RBFOX1: variants seen among roughly 807,000 people sequenced by gnomAD.
The protein encoded by RBFOX1 is RNA binding fox-1 homolog 1, also known as RNA binding protein fox-1 homolog 1.
Under a neutral mutation model 57.7 loss-of-function variants are expected in RBFOX1, and 8 were observed. The observed-to-expected ratio is 0.14, with a 90% CI of 0.08 to 0.25. The LOEUF is 0.25. RBFOX1 is among the 10% of genes least tolerant of loss of function. The pLI, the probability that RBFOX1 is intolerant of heterozygous loss-of-function variation, is 1.00. For synonymous variants in RBFOX1, 326 were observed against 222.4 expected (o/e 1.47, Z -4.15); for missense variants, 611 against 548.5 (o/e 1.11, Z -1.14).
intron 1 of RBFOX1, among the ~76,000 whole-genome samples, chr16:6,265,389 G>A (rs1193605361): frequency 6.6e-6 from 1 of 152,082 alleles, no homozygotes; most frequent in Admixed American, 6.6e-5. Context: ...AGCCTCCCGA[G>A]TAGCTGGGAT....
intron 4 of RBFOX1, among the ~76,000 whole-genome samples, chr16:7,334,677 C>T (rs1366830437): frequency 7.9e-5 from 12 of 152,106 alleles, no homozygotes; most frequent in African/African-American, 2.4e-4. Context: ...AAATAACTAT[C>T]GATTTGTTGG....
At chr16:6,647,665 T>A (rs1429988874) in intron 2 of RBFOX1, among the ~76,000 whole-genome samples, 1 of 152,310 alleles carries the variant, frequency 6.6e-6, no homozygotes, top group South Asian at 2.1e-4. Context: ...GGGGGACACA[T>A]ACATTCAGTC....
At chr16:5,709,807 C>CTT (rs2051385416) in intron 3 of RBFOX1, among the ~76,000 whole-genome samples, 3 of 21,450 alleles carry the variant, frequency 1.4e-4, no homozygotes, top group Non-Finnish European at 8.8e-5. Context: ...GTATCAGTTT[C>CTT]TTTATATATA....
intron 3 of RBFOX1, among the ~76,000 whole-genome samples, chr16:6,956,653 T>G (rs1398738211): frequency 1.3e-5 from 2 of 152,230 alleles, no homozygotes; most frequent in Non-Finnish European, 2.9e-5. Context: ...TATTTGTGGC[T>G]GATGTTGCTC....
At chr16:6,082,601 G>T (rs2096020636) in intron 1 of RBFOX1, among the ~76,000 whole-genome samples, 1 of 151,848 alleles carries the variant, frequency 6.6e-6, no homozygotes, top group Admixed American at 6.6e-5. Context: ...TTATCCCCTT[G>T]ACCAGGTTTG....
intron 3 of RBFOX1, among the ~76,000 whole-genome samples, chr16:6,991,601 A>T (rs996838849): frequency 6.6e-6 from 1 of 152,026 alleles, no homozygotes; most frequent in Non-Finnish European, 1.5e-5. Flanking sequence ...CAGTGGTGCA[A>T]TCTCAGCTCA....
intron 1 of RBFOX1, among the ~76,000 whole-genome samples, chr16:6,062,602 ATG>A (rs1156866628): frequency 1.4e-5 from 2 of 143,670 alleles, no homozygotes; most frequent in Non-Finnish European, 3.0e-5. Flanking sequence ...ATATGTATAT[ATG>A]TTACATAATA....
rs1349987830 is a variant in RBFOX1 at position 7,208,373 on chromosome 16, G to T, written c.27+156275G>T. Among the ~76,000 whole-genome samples, 5 of 152,170 alleles carry T rather than the reference G, an allele frequency of 3.3e-5. No homozygotes were observed. In the South Asian group the frequency reaches 1.0e-3, roughly 31 times the overall value. ...TTTATAAAGAAAAGAGGGGTGTTTT[G>T]GCTTATGGTTCTGCAGGCTGTGTAA... On this transcript the variant is annotated intron_variant, in intron 4 of 15. Coordinates refer to ENST00000550418, the MANE Select transcript of RBFOX1 (RefSeq NM_018723.4).
At chr16:5,370,749 T>G (rs2065838051) in intron 1 of RBFOX1, among the ~76,000 whole-genome samples, 1 of 152,124 alleles carries the variant, frequency 6.6e-6, no homozygotes, top group Admixed American at 6.5e-5. Flanking sequence ...CACCTTGGCC[T>G]CCCAGAGTGC....
chr16:5,478,729 G>C (rs2069418050), intron 2 of RBFOX1, among the ~76,000 whole-genome samples: 1 of 152,132 alleles, frequency 6.6e-6, no homozygotes, highest in African/African-American at 2.4e-5. Flanking sequence ...CCCAGCACGA[G>C]GCACCTTTTC....
chr16:6,591,740 A>G (rs1198276567), intron 2 of RBFOX1, among the ~76,000 whole-genome samples: 1 of 152,194 alleles, frequency 6.6e-6, no homozygotes, highest in Non-Finnish European at 1.5e-5. Context: ...TAATTGGAAA[A>G]TTGCCCAGAA....
At chr16:7,693,823 G>A (rs1210101317) in intron 14 of RBFOX1, among the ~76,000 whole-genome samples, 2 of 152,138 alleles carry the variant, frequency 1.3e-5, no homozygotes, top group African/African-American at 2.4e-5. Context: ...AAAGCTTAGA[G>A]GCATTCGAGA....
At chr16:5,671,111 A>C (rs919871925) in intron 3 of RBFOX1, among the ~76,000 whole-genome samples, 4 of 152,202 alleles carry the variant, frequency 2.6e-5, no homozygotes, top group African/African-American at 9.7e-5. Context: ...AGAAAGCACA[A>C]ATTAGACCAT....
At chr16:7,545,092 T>C (rs1162474114) in intron 5 of RBFOX1, among the ~76,000 whole-genome samples, 1 of 152,236 alleles carries the variant, frequency 6.6e-6, no homozygotes, top group African/African-American at 2.4e-5. Flanking sequence ...ATCATGATTA[T>C]CATTCGAGGC....
At chr16:6,713,549 T>A (rs1486285549) in intron 3 of RBFOX1, among the ~76,000 whole-genome samples, 1 of 152,052 alleles carries the variant, frequency 6.6e-6, no homozygotes, top group Admixed American at 6.6e-5. Flanking sequence ...CCTCCCCAGT[T>A]GAGACAACCA....
intron 1 of RBFOX1, among the ~76,000 whole-genome samples, chr16:6,110,685 A>G (rs2096436019): frequency 6.6e-6 from 1 of 152,190 alleles, no homozygotes; most frequent in African/African-American, 2.4e-5. Flanking sequence ...ATATCATCTC[A>G]GTCCTCAAGA....
intron 2 of RBFOX1, among the ~76,000 whole-genome samples, chr16:5,587,674 C>G (rs1431331840): frequency 1.3e-5 from 2 of 152,206 alleles, no homozygotes; most frequent in Non-Finnish European, 2.9e-5. Flanking sequence ...GATCGCGGCA[C>G]TGTACTCCAG....
intron 4 of RBFOX1, among the ~76,000 whole-genome samples, chr16:7,322,224 A>G (rs1418418018): frequency 6.6e-6 from 1 of 152,236 alleles, no homozygotes. Context: ...AGGGAATGAA[A>G]GATGTGTTTT....
intron 1 of RBFOX1, chr16:5,467,154 C>G: frequency 7.2e-7 from 1 of 1,385,476 alleles, no homozygotes; most frequent in South Asian, 1.4e-5. Context: ...GCAATTGTTT[C>G]AATGTAGACT....
Sources: allele counts gnomAD v4.1 joint callset (sites outside exome capture counted in the v4.1 genomes callset), GRCh38; gene constraint gnomAD v4.1.1; transcripts MANE v1.5; gene names NCBI Gene and HGNC (gene_info 2026-07-23, HGNC 2026-07-21).